GDAP1: variants seen among roughly 807,000 people sequenced by gnomAD.
The protein encoded by GDAP1 is ganglioside-induced differentiation-associated protein 1.
In GDAP1, 34 loss-of-function variants were observed where a neutral mutation model predicts 40.1. That is an observed-to-expected ratio of 0.85 (90% confidence interval 0.64 to 1.13). The LOEUF (loss-of-function observed/expected upper bound fraction) is 1.13. Among genes scored for constraint, GDAP1 ranks in the 50% most tolerant of loss-of-function variants. The pLI, the probability that GDAP1 is intolerant of heterozygous loss-of-function variation, is 0.00. For synonymous variants in GDAP1, 170 were observed against 157.4 expected, an observed-to-expected ratio of 1.08 and a Z score of -0.60; for missense variants, 374 against 433.7, an observed-to-expected ratio of 0.86 and a Z score of 1.22.
intron 2 of GDAP1, among the ~76,000 whole-genome samples, chr8:74,430,271 T>G (rs933868168): frequency 1.3e-5 from 2 of 152,208 alleles, no homozygotes; most frequent in African/African-American, 2.4e-5. Flanking sequence ...ATTTATTCTT[T>G]GACAAAACAA....
At chr8:74,358,485 G>A (rs980795215) in intron 2 of GDAP1, among the ~76,000 whole-genome samples, 1 of 152,110 alleles carries the variant, frequency 6.6e-6, no homozygotes, top group Non-Finnish European at 1.5e-5. Flanking sequence ...GAGAGCATTT[G>A]TTTATGTGGA....
chr8:74,364,224 G>A lies in GDAP1; in HGVS notation c.934G>A (p.Ala312Thr). The change falls in exon 6 of 6, where the codon GCC (alanine) becomes ACC (threonine). Residue 312 changes from alanine to threonine, a missense_variant. Physicochemically the swap from Ala to Thr is moderately conservative, Grantham distance 58. Transcript: ENST00000220822. ...AGTGCTGCCAACAGCATTCCGGGTG[G>A]CCAAGAAAAGGGCCCCAAAAGTTCT... The part of the protein sequence containing the change: ...SAVLPTAFRV[A>T]KKRAPKVLGT... 1.2e-6 allele frequency: 2 copies of A among 1,614,162 alleles called. No homozygotes were observed. Among genetic ancestry groups the A allele is most frequent in the Non-Finnish European group, 1.7e-6 (2 of 1,180,016 alleles).
intron 2 of GDAP1, among the ~76,000 whole-genome samples, chr8:74,411,873 C>A (rs1051644466): frequency 6.7e-6 from 1 of 149,150 alleles, no homozygotes; most frequent in African/African-American, 2.6e-5. Flanking sequence ...TGGAGCAAGA[C>A]CTTGTCTCAA....
At chr8:74,366,966 G>A (rs1809665733), downstream of GDAP1, 2 of 340,276 alleles carry the variant, frequency 5.9e-6, no homozygotes. Flanking sequence ...GGTAAAATAA[G>A]CAGAGGTTAG....
chr8:74,411,098 C>T (rs535833198), intron 2 of GDAP1, among the ~76,000 whole-genome samples: 4 of 149,856 alleles, frequency 2.7e-5, no homozygotes, highest in Admixed American at 6.6e-5. Context: ...TCTTTCCTGC[C>T]GCCTTGTGAA....
At chr8:74,367,009 T>TTTTCGTTATAA (rs2131528260), downstream of GDAP1, 1 of 271,460 alleles carries the variant, frequency 3.7e-6, no homozygotes, top group African/African-American at 2.3e-5. Context: ...GGATGCCATA[T>TTTTCGTTATAA]TTTCGTTATA....
intron 2 of GDAP1, among the ~76,000 whole-genome samples, chr8:74,381,952 C>G (rs1414922530): frequency 2.6e-5 from 4 of 151,832 alleles, no homozygotes; most frequent in Non-Finnish European, 5.9e-5. Flanking sequence ...TCTGCTTTCG[C>G]CTTCATTTCC....
chr8:74,416,933 T>TTTG (rs1554553268), intron 2 of GDAP1, among the ~76,000 whole-genome samples: 1 of 144,198 alleles, frequency 6.9e-6, no homozygotes, highest in African/African-American at 2.8e-5. Flanking sequence ...TTTTTTGTTT[T>TTTG]TTTTTTTTTT....
At chr8:74,451,034 G>A (rs1806293162) in intron 2 of GDAP1, among the ~76,000 whole-genome samples, 1 of 82,368 alleles carries the variant, frequency 1.2e-5, no homozygotes, top group Non-Finnish European at 2.4e-5. Flanking sequence ...TAAAATGTAA[G>A]ACATTTTTAA....
chr8:74,372,202 T>C (rs1809766276), intron 2 of GDAP1, among the ~76,000 whole-genome samples: 2 of 152,326 alleles, frequency 1.3e-5, no homozygotes, highest in Admixed American at 1.3e-4. Flanking sequence ...AAGTCTTTGG[T>C]ATTGTGAATA....
chr8:74,436,795 C>T (rs935073107), intron 2 of GDAP1, among the ~76,000 whole-genome samples: 1 of 152,102 alleles, frequency 6.6e-6, no homozygotes, highest in African/African-American at 2.4e-5. Context: ...CCCTTTACCC[C>T]CCATAAGCCA....
chr8:74,364,916 A>G lies in GDAP1; in HGVS notation c.*549A>G. ...CTAGAAATTTGATGCTCATTGGAAC[A>G]CATCTGCCTAGCATTTCTGTAAAAG... On this transcript the variant is annotated 3_prime_UTR_variant, in exon 6 of 6. Transcript: ENST00000220822. 1 of 454,154 alleles carries G rather than the reference A, an allele frequency of 2.2e-6. No homozygotes were observed. The highest frequency in any genetic ancestry group is 1.6e-5 in the South Asian group (1 of 64,484). The allele number at this position is 454,154 out of a possible 1,614,324, so 28.1% of individuals were successfully genotyped here.
intron 2 of GDAP1, among the ~76,000 whole-genome samples, chr8:74,409,548 T>C (rs1274008937): frequency 6.7e-6 from 1 of 149,900 alleles, no homozygotes; most frequent in Non-Finnish European, 1.5e-5. Flanking sequence ...AGATGGGGTT[T>C]CACCATGTTG....
chr8:74,408,126 T>C (rs1269175581), intron 2 of GDAP1, among the ~76,000 whole-genome samples: 2 of 150,100 alleles, frequency 1.3e-5, no homozygotes, highest in African/African-American at 2.5e-5. Context: ...CCAAAATCTG[T>C]CAGGCAAAAA....
At chr8:74,375,314 G>A (rs1000911996) in intron 2 of GDAP1, among the ~76,000 whole-genome samples, 4 of 140,164 alleles carry the variant, frequency 2.9e-5, no homozygotes, top group African/African-American at 8.1e-5. Context: ...GCCATGGAGC[G>A]AGACTCTGTC....
intron 2 of GDAP1, among the ~76,000 whole-genome samples, chr8:74,417,499 TCAGG>T (rs1482435499): frequency 1.3e-5 from 2 of 150,066 alleles, no homozygotes; most frequent in Admixed American, 6.6e-5. Flanking sequence ...ACTCTTGACC[TCAGG>T]TGATCCACCC....
chr8:74,472,709 C>T (rs1254559119), intron 2 of GDAP1, among the ~76,000 whole-genome samples: 3 of 6,770 alleles, frequency 4.4e-4, no homozygotes, highest in African/African-American at 8.1e-4. Context: ...ATTGAGCTTT[C>T]TTTTCTTTTC....
In GDAP1 at chr8:74,365,402, G is replaced by C. The variant is rs1262506538; in HGVS notation, c.*1035G>C. ...CCTGTATTCACTGATGTATGTTTAA[G>C]GGATTTGGGGGGGATACCTCAGTTC... is the stretch of plus-strand genomic sequence containing the variant. On this transcript the variant is annotated 3_prime_UTR_variant, in exon 6 of 6. Transcript: ENST00000220822. 1 of 453,834 alleles carries C rather than the reference G, an allele frequency of 2.2e-6. No individual in the cohort carries two copies. Among genetic ancestry groups the C allele is most frequent in the Non-Finnish European group, 4.4e-6 (1 of 226,746 alleles). 28.1% of individuals were successfully genotyped at this position (453,834 alleles called of 1,614,324 possible). A position where few individuals can be genotyped will look rare whatever the true frequency, so the allele number is the denominator to read the frequency against.
intron 2 of GDAP1, among the ~76,000 whole-genome samples, chr8:74,375,622 A>G (rs1480236688): frequency 6.6e-6 from 1 of 152,224 alleles, no homozygotes; most frequent in Non-Finnish European, 1.5e-5. Context: ...TAGAAATAGA[A>G]GGAAACTTCC....
Sources: gnomAD v4.1 joint callset for allele counts (sites outside exome capture counted in the v4.1 genomes callset) on GRCh38, gnomAD v4.1.1 for gene constraint, MANE v1.5 for transcripts, NCBI Gene and HGNC (gene_info 2026-07-23, HGNC 2026-07-21) for gene names.